SUFU: variants seen among roughly 807,000 people sequenced by gnomAD.
SUFU encodes suppressor of fused homolog.
In SUFU, 7 loss-of-function variants were observed where a neutral mutation model predicts 58.9. That is an observed-to-expected ratio of 0.12 (90% confidence interval 0.07 to 0.22). The LOEUF (loss-of-function observed/expected upper bound fraction) is 0.22. SUFU is among the 10% of genes least tolerant of loss of function. The probability of loss-of-function intolerance (pLI) is 1.00; values close to 1 mark genes in which losing one functional copy is unlikely to be tolerated. For synonymous variants in SUFU, 232 were observed against 254.8 expected (o/e 0.91, Z 0.85); for missense variants, 451 against 641.3 (o/e 0.70, Z 3.20).
In SUFU at chr10:102,504,102, C is replaced by G; in HGVS notation, c.-51C>G. The G allele has an allele frequency of 1.3e-6, 2 of 1,515,044 alleles. No homozygotes were observed. The highest frequency in any genetic ancestry group is 1.8e-6 in the Non-Finnish European group (2 of 1,136,644). The allele number at this position is 1,515,044 out of a possible 1,614,324, so 93.9% of individuals were successfully genotyped here. ...CCGCCCGCTGGCCCGTCAGTGCTCT[C>G]CCCGTCGTTTGCCCTCTCCAGTTCC... On this transcript the variant is annotated 5_prime_UTR_variant, in exon 1 of 12. Transcript: ENST00000369902.
At position 102,630,842 on chromosome 10, in the gene SUFU, C is replaced by G. The variant is rs943193593; in HGVS notation, c.*687C>G. The G allele has an allele frequency of 1.3e-5, 3 of 237,868 alleles. No homozygotes were observed. The highest frequency in any genetic ancestry group is 6.6e-5 in the African/African-American group (3 of 45,386). The allele number at this position is 237,868 out of a possible 1,614,324, so 14.7% of individuals were successfully genotyped here. On this transcript the variant is annotated 3_prime_UTR_variant, in exon 12 of 12. Transcript: ENST00000369902. ...GGTGCTTGGTGTTCGCCTGCCAGCC[C>G]AGAGCCCTGGAGGAGCCGGCTGCAC...
intron 2 of SUFU, among the ~76,000 whole-genome samples, chr10:102,534,516 A>G (rs1432564714): frequency 6.6e-6 from 1 of 152,174 alleles, no homozygotes; most frequent in Non-Finnish European, 1.5e-5. Flanking sequence ...GCAAGGGGAA[A>G]TGTTCACGTT....
At chr10:102,523,603 C>T (rs2062575089) in intron 2 of SUFU, among the ~76,000 whole-genome samples, 1 of 152,222 alleles carries the variant, frequency 6.6e-6, no homozygotes, top group African/African-American at 2.4e-5. Context: ...CTCTCGTCTT[C>T]CTGTTCTAGC....
chr10:102,577,197 C>T (rs1370892846), intron 3 of SUFU, among the ~76,000 whole-genome samples: 1 of 150,638 alleles, frequency 6.6e-6, no homozygotes, highest in Non-Finnish European at 1.5e-5. Context: ...GATTCTCCTG[C>T]CTCAGCCTCC....
rs373120765 is a variant in SUFU at position 102,564,618 on chromosome 10, C to T, written c.454+14512C>T. On this transcript the variant is annotated intron_variant, in intron 3 of 11. Coordinates refer to ENST00000369902, the MANE Select transcript of SUFU (RefSeq NM_016169.4). The stretch of plus-strand genomic sequence containing the variant: ...AAAGTACTGGGGTTACAAGCATGAG[C>T]CGTCGCACCCAACCTCAAGCTCTCG... 3.9e-5 allele frequency among the ~76,000 whole-genome samples: 6 copies of T among 152,316 alleles called. No individual in the cohort carries two copies. The East Asian group carries it at 1.2e-3, about 29-fold the overall frequency.
chr10:102,545,747 G>A (rs926114655), intron 2 of SUFU, among the ~76,000 whole-genome samples: 3 of 152,146 alleles, frequency 2.0e-5, no homozygotes, highest in African/African-American at 7.2e-5. Flanking sequence ...GTAGAGGCGG[G>A]CAGATCATCT....
intron 2 of SUFU, among the ~76,000 whole-genome samples, chr10:102,524,251 C>G (rs2062583067): frequency 6.6e-6 from 1 of 151,434 alleles, no homozygotes; most frequent in South Asian, 2.1e-4. Flanking sequence ...AGCGATCCTT[C>G]TGTCTTGCCT....
At position 102,551,258 on chromosome 10, in the gene SUFU, G is replaced by A. The variant is rs190584606; in HGVS notation, c.454+1152G>A. Among the ~76,000 whole-genome samples the A allele has an allele frequency of 4.3e-3, 662 of 152,280 alleles. 7 individuals carry two copies. The highest frequency in any genetic ancestry group is 0.015 in the African/African-American group (629 of 41,550). ...TCTCTAAGCAGGAGTTCCTAAATCT[G>A]GCTGCCCATCAACCTCTTCGAGGAG... On this transcript the variant is annotated intron_variant, in intron 3 of 11. Transcript: ENST00000369902.
intron 2 of SUFU, among the ~76,000 whole-genome samples, chr10:102,511,495 A>T (rs1589977297): frequency 6.6e-6 from 1 of 152,136 alleles, no homozygotes; most frequent in Non-Finnish European, 1.5e-5. Flanking sequence ...TGGTATCATA[A>T]AGAAGATGAT....
intron 2 of SUFU, among the ~76,000 whole-genome samples, chr10:102,519,137 C>A (rs367956266): frequency 8.2e-3 from 709 of 86,318 alleles, no homozygotes; most frequent in Admixed American, 0.013. Context: ...GACTCTGTCT[C>A]AAAAAAAAAA....
intron 2 of SUFU, among the ~76,000 whole-genome samples, chr10:102,522,230 C>T (rs143617907): frequency 6.6e-6 from 1 of 152,186 alleles, no homozygotes; most frequent in Admixed American, 6.5e-5. Context: ...TCCTCCTTGA[C>T]GTCTCACAGC....
intron 3 of SUFU, among the ~76,000 whole-genome samples, chr10:102,574,892 T>C (rs2063198037): frequency 6.6e-6 from 1 of 151,866 alleles, no homozygotes; most frequent in Non-Finnish European, 1.5e-5. Context: ...CTGTCTGTAC[T>C]AAAAATACAA....
intron 3 of SUFU, among the ~76,000 whole-genome samples, chr10:102,565,172 T>C (rs1327593957): frequency 6.6e-6 from 1 of 152,116 alleles, no homozygotes; most frequent in African/African-American, 2.4e-5. Flanking sequence ...AGCAGTGGAG[T>C]TGACTAGTTG....
chr10:102,556,799 G>T, intron 3 of SUFU, among the ~76,000 whole-genome samples: 1 of 148,298 alleles, frequency 6.7e-6, no homozygotes, highest in African/African-American at 2.5e-5. Flanking sequence ...AAGGAAGGAA[G>T]GAAGATGGGT....
intron 3 of SUFU, among the ~76,000 whole-genome samples, chr10:102,586,101 T>C (rs1190215305): frequency 6.6e-6 from 1 of 151,718 alleles, no homozygotes; most frequent in East Asian, 2.0e-4. Flanking sequence ...GCCAGGCTGG[T>C]CTTGAACTTC....
chr10:102,598,027 T>C (rs2063481263), intron 7 of SUFU, among the ~76,000 whole-genome samples: 1 of 152,252 alleles, frequency 6.6e-6, no homozygotes, highest in African/African-American at 2.4e-5. Context: ...TTCCATCTTT[T>C]CTTTTTTTGA....
At chr10:102,611,692 AGGCACTATT>A (rs2063625207) in intron 8 of SUFU, among the ~76,000 whole-genome samples, 1 of 152,260 alleles carries the variant, frequency 6.6e-6, no homozygotes, top group South Asian at 2.1e-4. Flanking sequence ...ACTACATCCC[AGGCACTATT>A]GGCCTTATCT....
intron 3 of SUFU, among the ~76,000 whole-genome samples, chr10:102,585,692 G>GTTT (rs1409723913): frequency 2.0e-5 from 3 of 151,482 alleles, no homozygotes; most frequent in Admixed American, 6.6e-5. Context: ...TTGTTTGTTT[G>GTTT]TTTTTTATAG....
At chr10:102,565,510 A>G (rs1458502292) in intron 3 of SUFU, among the ~76,000 whole-genome samples, 2 of 152,164 alleles carry the variant, frequency 1.3e-5, no homozygotes, top group African/African-American at 4.8e-5. Context: ...ACATTGGAGA[A>G]CTACATTAAA....
Sources: allele counts gnomAD v4.1 joint callset (sites outside exome capture counted in the v4.1 genomes callset), GRCh38; gene constraint gnomAD v4.1.1; transcripts MANE v1.5; gene names NCBI Gene and HGNC (gene_info 2026-07-23, HGNC 2026-07-21).